The following UBE2R2 variants were observed in gnomAD, a reference collection of about 807,000 sequenced individuals.
The protein encoded by UBE2R2 is ubiquitin conjugating enzyme E2 R2, also known as ubiquitin-conjugating enzyme E2 R2.
A neutral mutation model predicts 27.8 loss-of-function variants in UBE2R2; 1 was observed. That is an observed-to-expected ratio of 0.04 (90% CI 0.01 to 0.17). The LOEUF is 0.17. Among genes scored for constraint, UBE2R2 ranks in the 10% least tolerant of loss-of-function variants. The pLI is 1.00. For synonymous variants in UBE2R2, 106 were observed against 113.3 expected, an observed-to-expected ratio of 0.94 and a Z score of 0.41; for missense variants, 100 against 291.0, an observed-to-expected ratio of 0.34 and a Z score of 4.78.
chr9:33,839,303 T>A (rs1009790103), intron 1 of UBE2R2, among the ~76,000 whole-genome samples: 7 of 152,114 alleles, frequency 4.6e-5, no homozygotes, highest in African/African-American at 1.7e-4. Context: ...AATGGCAGGG[T>A]CTCTGCTCAC....
intron 1 of UBE2R2, chr9:33,818,908 T>G (rs1367099246): frequency 6.6e-6 from 1 of 152,226 alleles, no homozygotes; most frequent in South Asian, 2.1e-4. Context: ...TGTTGTTTTA[T>G]ATGGTCTTAG....
intron 1 of UBE2R2, among the ~76,000 whole-genome samples, chr9:33,821,635 G>C (rs1289901338): frequency 7.0e-6 from 1 of 143,042 alleles, no homozygotes; most frequent in Non-Finnish European, 1.5e-5. Flanking sequence ...TTTTTTTTTT[G>C]AGATGGAGTC....
chr9:33,872,786 CAA>C (rs761913485), intron 1 of UBE2R2, among the ~76,000 whole-genome samples: 22 of 98,516 alleles, frequency 2.2e-4, no homozygotes, highest in Non-Finnish European at 2.5e-4. Context: ...AACTCCATTT[CAA>C]AAAAAAAAAA....
intron 1 of UBE2R2, among the ~76,000 whole-genome samples, chr9:33,833,565 TA>T (rs373995672): frequency 2.4e-4 from 37 of 152,354 alleles, no homozygotes; most frequent in African/African-American, 8.7e-4. Flanking sequence ...TGGAAGATTA[TA>T]TGAAAAGAAG....
chr9:33,871,921 C>G (rs1821493376), intron 1 of UBE2R2, among the ~76,000 whole-genome samples: 1 of 151,972 alleles, frequency 6.6e-6, no homozygotes, highest in East Asian at 1.9e-4. Context: ...ACCATGTTAG[C>G]CAGGATGGTC....
intron 1 of UBE2R2, among the ~76,000 whole-genome samples, chr9:33,850,874 T>A (rs2077065565): frequency 6.6e-6 from 1 of 152,204 alleles, no homozygotes; most frequent in Admixed American, 6.6e-5. Flanking sequence ...TATGGTTACC[T>A]CCAGCATAAA....
intron 1 of UBE2R2, among the ~76,000 whole-genome samples, chr9:33,819,661 C>CA: frequency 6.8e-6 from 1 of 147,150 alleles, no homozygotes; most frequent in East Asian, 2.0e-4. Flanking sequence ...TTTTTTGAGA[C>CA]GGAGTCTCGC....
intron 4 of UBE2R2, among the ~76,000 whole-genome samples, chr9:33,912,706 C>T (rs1320233990): frequency 6.6e-6 from 1 of 151,914 alleles, no homozygotes; most frequent in Non-Finnish European, 1.5e-5. Flanking sequence ...TTTGGAAATC[C>T]TCATTATCAG....
In UBE2R2 at chr9:33,877,819, G is replaced by GTCTCTCTCTCTCTCTC. The variant is rs1435783363; in HGVS notation, c.178-9059_178-9058insCTCTCTCTCTCTCTCT. Among the ~76,000 whole-genome samples the GTCTCTCTCTCTCTCTC allele has an allele frequency of 2.8e-3, 256 of 92,952 alleles. 3 individuals carry two copies. Among genetic ancestry groups the GTCTCTCTCTCTCTCTC allele is most frequent in the Non-Finnish European group, 3.3e-3 (158 of 47,800 alleles). The allele number at this position is 92,952 out of a possible 152,430, so 61.0% of individuals were successfully genotyped here. A position where few individuals can be genotyped will look rare whatever the true frequency, so the allele number is the denominator to read the frequency against. On this transcript the variant is annotated intron_variant, in intron 1 of 4. Coordinates refer to ENST00000263228, the MANE Select transcript of UBE2R2 (RefSeq NM_017811.4). ...CCCCTCTCTGTCTGTCTGTCTGTCT[G>GTCTCTCTCTCTCTCTC]TCTGTCTCTCTCTCTCTCTCTCTCT... is the stretch of plus-strand genomic sequence containing the variant.
At chr9:33,897,858 C>T (rs1476995147) in intron 2 of UBE2R2, among the ~76,000 whole-genome samples, 3 of 150,988 alleles carry the variant, frequency 2.0e-5, no homozygotes, top group Non-Finnish European at 4.4e-5. Context: ...TCACCACAAC[C>T]TCCACCTCCC....
At chr9:33,884,030 T>C (rs1051626191) in intron 1 of UBE2R2, among the ~76,000 whole-genome samples, 2 of 151,808 alleles carry the variant, frequency 1.3e-5, no homozygotes, top group African/African-American at 4.8e-5. Context: ...TGGAGATGCA[T>C]GCTTGTAGTC....
chr9:33,895,389 T>A (rs183238902), intron 2 of UBE2R2, among the ~76,000 whole-genome samples: 2 of 152,352 alleles, frequency 1.3e-5, no homozygotes, highest in Admixed American at 1.3e-4. Context: ...GGACTCTCAA[T>A]TGTAAATTAT....
chr9:33,836,774 T>C (rs1275534937), intron 1 of UBE2R2, among the ~76,000 whole-genome samples: 2 of 151,106 alleles, frequency 1.3e-5, no homozygotes, highest in Non-Finnish European at 2.9e-5. Context: ...AAAAAATATA[T>C]ATATATATAT....
upstream of UBE2R2, among the ~76,000 whole-genome samples, chr9:33,816,481 G>GT (rs1011850228): frequency 4.3e-4 from 66 of 152,220 alleles, no homozygotes; most frequent in African/African-American, 1.6e-3. Flanking sequence ...TAGAGACCCA[G>GT]TTTGTTATTG....
intron 2 of UBE2R2, among the ~76,000 whole-genome samples, chr9:33,887,926 C>T (rs1166757372): frequency 2.0e-5 from 3 of 152,320 alleles, no homozygotes; most frequent in South Asian, 2.1e-4. Flanking sequence ...CCACCCACCT[C>T]GGCCTCCCAA....
chr9:33,867,780 A>G (rs72725392), intron 1 of UBE2R2, among the ~76,000 whole-genome samples: 12,007 of 152,182 alleles, frequency 0.079, 682 homozygotes, highest in Non-Finnish European at 0.12. Context: ...TTAGCTGGGC[A>G]TGGTGGTATG....
chr9:33,890,549 C>T (rs1821957171), intron 2 of UBE2R2, among the ~76,000 whole-genome samples: 1 of 151,846 alleles, frequency 6.6e-6, no homozygotes, highest in South Asian at 2.1e-4. Context: ...CGGTGGCTCA[C>T]GCCTGTAGTC....
intron 1 of UBE2R2, among the ~76,000 whole-genome samples, chr9:33,848,236 A>G (rs1289138701): frequency 1.3e-5 from 2 of 152,156 alleles, no homozygotes; most frequent in African/African-American, 4.8e-5. Flanking sequence ...ATTTTCTTTT[A>G]ATATACTAAT....
chr9:33,858,810 GTTTGT>G (rs377254347), intron 1 of UBE2R2, among the ~76,000 whole-genome samples: 23 of 151,486 alleles, frequency 1.5e-4, no homozygotes, highest in African/African-American at 2.2e-4. Context: ...TTATGGAGGA[GTTTGT>G]TTTGTTTTGT....
Sources: gnomAD v4.1 joint callset for allele counts (sites outside exome capture counted in the v4.1 genomes callset) on GRCh38, gnomAD v4.1.1 for gene constraint, MANE v1.5 for transcripts, NCBI Gene and HGNC (gene_info 2026-07-23, HGNC 2026-07-21) for gene names.